The following LIPI variants were observed in gnomAD, a reference collection of about 807,000 sequenced individuals.
The protein encoded by LIPI is lipase member I.
A neutral mutation model predicts 50.6 loss-of-function variants in LIPI; 59 were observed. The observed-to-expected ratio is 1.16, with a 90% CI of 0.94 to 1.45. The LOEUF (loss-of-function observed/expected upper bound fraction) is 1.45, where lower values mean the gene tolerates loss of function less well. Among genes scored for constraint, LIPI ranks in the 40% most tolerant of loss-of-function variants. The pLI is 0.00. For missense variants in LIPI, 586 were observed against 536.3 expected, an observed-to-expected ratio of 1.09 and a Z score of -0.92; for synonymous variants, 203 against 178.2, an observed-to-expected ratio of 1.14 and a Z score of -1.11.
chr21:14,162,751 C>A (rs1181761319), intron 7 of LIPI, among the ~76,000 whole-genome samples: 2 of 151,714 alleles, frequency 1.3e-5, no homozygotes, highest in African/African-American at 4.8e-5. Context: ...AAATGACTGA[C>A]CTAAAATATT....
chr21:14,169,189 AC>A (rs1453175884), intron 4 of LIPI, among the ~76,000 whole-genome samples: 2 of 152,218 alleles, frequency 1.3e-5, no homozygotes, highest in African/African-American at 4.8e-5. Flanking sequence ...TGCACCCAAT[AC>A]AGGAGCATCC....
At chr21:14,167,327 A>C (rs1342062943) in intron 4 of LIPI, among the ~76,000 whole-genome samples, 14 of 152,222 alleles carry the variant, frequency 9.2e-5, no homozygotes. Flanking sequence ...CTGCAGACTT[A>C]AATGTCTCTG....
At chr21:14,206,398 A>G (rs1244111909) in intron 1 of LIPI, among the ~76,000 whole-genome samples, 1 of 152,122 alleles carries the variant, frequency 6.6e-6, no homozygotes, top group East Asian at 1.9e-4. Flanking sequence ...CAAGCTGCTG[A>G]GATAAGTTTG....
intron 7 of LIPI, among the ~76,000 whole-genome samples, chr21:14,162,423 G>GT (rs1241725340): frequency 6.6e-6 from 1 of 151,648 alleles, no homozygotes; most frequent in Non-Finnish European, 1.5e-5. Context: ...TGACTATTTT[G>GT]TATGGAGCCA....
chr21:14,116,886 C>T (rs2016665548), intron 9 of LIPI, among the ~76,000 whole-genome samples: 1 of 152,176 alleles, frequency 6.6e-6, no homozygotes, highest in Admixed American at 6.5e-5. Context: ...AAAGCCTGTC[C>T]TACAGGCCCC....
chr21:14,160,264 AC>A (rs1048286873), intron 7 of LIPI, among the ~76,000 whole-genome samples: 20 of 151,506 alleles, frequency 1.3e-4, no homozygotes, highest in African/African-American at 4.6e-4. Context: ...GCTATGTGGT[AC>A]TAGAAAAAGA....
intron 1 of LIPI, among the ~76,000 whole-genome samples, chr21:14,192,874 T>A (rs1381286933): frequency 6.6e-6 from 1 of 151,884 alleles, no homozygotes; most frequent in African/African-American, 2.4e-5. Context: ...TCCTTCACAT[T>A]TAAAAGAAAG....
At chr21:14,134,696 C>CA (rs1483680590) in intron 9 of LIPI, among the ~76,000 whole-genome samples, 1 of 152,006 alleles carries the variant, frequency 6.6e-6, no homozygotes, top group Non-Finnish European at 1.5e-5. Context: ...GATAAAAGGA[C>CA]AGCCAATTCA....
chr21:14,159,861 C>T (rs1487643540), intron 7 of LIPI, among the ~76,000 whole-genome samples: 2 of 151,008 alleles, frequency 1.3e-5, no homozygotes, highest in Non-Finnish European at 3.0e-5. Flanking sequence ...GTGGAGATAC[C>T]AAAATTTAGA....
At chr21:14,199,758 T>C (rs1182865767) in intron 1 of LIPI, among the ~76,000 whole-genome samples, 1 of 151,838 alleles carries the variant, frequency 6.6e-6, no homozygotes, top group Non-Finnish European at 1.5e-5. Context: ...TATGAAGCCA[T>C]CATCATCCTG....
intron 7 of LIPI, among the ~76,000 whole-genome samples, chr21:14,163,042 T>C (rs1426304434): frequency 1.3e-5 from 2 of 151,296 alleles, no homozygotes; most frequent in African/African-American, 4.8e-5. Flanking sequence ...TGTCCTTTTT[T>C]ATATTTATAT....
intron 7 of LIPI, among the ~76,000 whole-genome samples, chr21:14,160,234 T>G (rs1254666743): frequency 6.6e-6 from 1 of 151,368 alleles, no homozygotes; most frequent in Non-Finnish European, 1.5e-5. Flanking sequence ...ATGCTTACTA[T>G]ATAGCTACAT....
At chr21:14,111,412 C>T (rs1331647815) in intron 9 of LIPI, among the ~76,000 whole-genome samples, 1 of 152,010 alleles carries the variant, frequency 6.6e-6, no homozygotes, top group African/African-American at 2.4e-5. Context: ...GTTTTCAGAT[C>T]CTTTGCCCAA....
chr21:14,195,333 G>A (rs1373565023), intron 1 of LIPI, among the ~76,000 whole-genome samples: 3 of 152,010 alleles, frequency 2.0e-5, no homozygotes, highest in Non-Finnish European at 4.4e-5. Context: ...GGTCACATTA[G>A]ACTAGGAGAG....
rs960221193 is a variant in LIPI, at chr21:14,171,973, A to T, written c.644-5522T>A. On this transcript the variant is annotated intron_variant, in intron 4 of 9. Transcript: ENST00000681601. ...AATTTTCACAACCTACTCATCTGAC[A>T]AAGGGCTAATATCCAGAATCTACAA... Among the ~76,000 whole-genome samples the T allele has an allele frequency of 3.2e-4, 49 of 151,744 alleles. 1 individual carries two copies. The highest frequency in any genetic ancestry group is 1.0e-4 in the Non-Finnish European group (7 of 67,866).
intron 2 of LIPI, among the ~76,000 whole-genome samples, chr21:14,186,650 T>C (rs2019466454): frequency 6.6e-6 from 1 of 152,210 alleles, no homozygotes; most frequent in Non-Finnish European, 1.5e-5. Context: ...ATTCATATGT[T>C]GGAATTCTAA....
rs761903429 is a variant in LIPI, at chr21:14,163,547, T to TA, written c.902-25dup. On this transcript the variant is annotated intron_variant, in intron 6 of 9. Coordinates refer to ENST00000681601, the MANE Select transcript of LIPI (RefSeq NM_001302998.2). ...ACCTGAGATTTGAGAAATAGAACAT[T>TA]AGAAATTGGATTTCCATCAAATAAC... 3 of 1,104,040 alleles carry TA rather than the reference T, an allele frequency of 2.7e-6. No individual in the cohort carries two copies. In the South Asian group the frequency reaches 3.7e-5, roughly 14 times the overall value. The allele number at this position is 1,104,040 out of a possible 1,614,324, so 68.4% of individuals were successfully genotyped here.
At chr21:14,208,804 C>A (rs2020290782) in intron 1 of LIPI, among the ~76,000 whole-genome samples, 2 of 152,204 alleles carry the variant, frequency 1.3e-5, no homozygotes, top group Admixed American at 6.5e-5. Flanking sequence ...GTAATCCCAG[C>A]ACTTTGGGAG....
intron 1 of LIPI, among the ~76,000 whole-genome samples, chr21:14,202,812 C>T (rs924095480): frequency 5.9e-5 from 9 of 152,060 alleles, no homozygotes; most frequent in African/African-American, 2.2e-4. Context: ...GCAATGGCAA[C>T]AAAAGCCAAA....
Sources: allele counts gnomAD v4.1 joint callset (sites outside exome capture counted in the v4.1 genomes callset), GRCh38; gene constraint gnomAD v4.1.1; transcripts MANE v1.5; gene names NCBI Gene and HGNC (gene_info 2026-07-23, HGNC 2026-07-21).